PKHD1: variants seen among roughly 807,000 people sequenced by gnomAD.
PKHD1 encodes fibrocystin.
Under a neutral mutation model 412.0 loss-of-function variants are expected in PKHD1, and 291 were observed. The observed-to-expected ratio is 0.71, with a 90% CI of 0.64 to 0.78. PKHD1 has a LOEUF of 0.78. Ranked by LOEUF, PKHD1 falls within the 30% of genes least tolerant of loss-of-function variation. PKHD1 has a pLI of 0.00. For missense variants in PKHD1, 4,825 were observed against 4,950.7 expected, an observed-to-expected ratio of 0.97 and a Z score of 0.76; for synonymous variants, 1,777 against 1,821.5, an observed-to-expected ratio of 0.98 and a Z score of 0.62.
intron 27 of PKHD1, among the ~76,000 whole-genome samples, chr6:52,040,662 G>T (rs990613231): frequency 1.3e-5 from 2 of 152,126 alleles, no homozygotes; most frequent in South Asian, 2.1e-4. Flanking sequence ...TTTGACTCAA[G>T]ACTTTTTGTT....
At chr6:51,823,800 C>T (rs947319922) in intron 52 of PKHD1, among the ~76,000 whole-genome samples, 5 of 152,152 alleles carry the variant, frequency 3.3e-5, no homozygotes, top group African/African-American at 9.7e-5. Context: ...GGCAAAAGCA[C>T]TGTGTCACAG....
intron 43 of PKHD1, among the ~76,000 whole-genome samples, chr6:51,895,770 T>C (rs1779820047): frequency 6.6e-6 from 1 of 152,016 alleles, no homozygotes; most frequent in Admixed American, 6.5e-5. Flanking sequence ...TTCATCTCAC[T>C]AGGGAGTGCC....
rs373344579 is a variant in PKHD1, at chr6:51,973,483, A to C, written c.5752-13457T>G. 1.4e-4 allele frequency among the ~76,000 whole-genome samples: 21 copies of C among 152,322 alleles called. 1 individual carries two copies. The highest frequency in any genetic ancestry group is 4.8e-4 in the African/African-American group (20 of 41,568). ...TGTCCTCAAAGGCAGAAAACTCAGA[A>C]TCTTTGGTGAATACTAAGCAATCCA... On this transcript the variant is annotated intron_variant, in intron 35 of 66. Coordinates refer to ENST00000371117, the MANE Select transcript of PKHD1 (RefSeq NM_138694.4).
chr6:51,720,905 TA>T (rs1413771752), intron 60 of PKHD1: 2 of 779,766 alleles, frequency 2.6e-6, no homozygotes, highest in Admixed American at 6.3e-5. Context: ...AAATGCCCAA[TA>T]AGTATCTGTT....
rs1583573539 is a variant in PKHD1, at chr6:51,959,984, G to A, written c.5794C>T (p.His1932Tyr). ...LQFCRRWSRTHSWFPERLPQD... is the reference protein window; with the variant it reads ...LQFCRRWSRTYSWFPERLPQD... ...GGCAGCCTTTCAGGAAACCAGCTGT[G>A]AGTCCTGGACCATCTCCGGCAGAAC... Residue 1932 changes from histidine (H) to tyrosine (Y), a missense_variant, in exon 36 of 67, where the codon CAC becomes TAC. Physicochemically the swap from His to Tyr is moderately conservative, Grantham distance 83. Coordinates refer to ENST00000371117, the MANE Select transcript of PKHD1 (RefSeq NM_138694.4). The A allele has an allele frequency of 6.2e-7, 1 of 1,613,400 alleles. No homozygotes were observed. The highest frequency in any genetic ancestry group is 1.1e-5 in the South Asian group (1 of 91,070).
chr6:51,922,168 T>C (rs1410012563), intron 37 of PKHD1, among the ~76,000 whole-genome samples: 1 of 152,250 alleles, frequency 6.6e-6, no homozygotes, highest in African/African-American at 2.4e-5. Flanking sequence ...TTAGTTTTCC[T>C]TCTATCAGTC....
rs1468198483 is a variant in PKHD1, at chr6:51,619,308, TC to T, written c.11997del (p.Trp3999Ter). The stretch of plus-strand genomic sequence containing the variant: ...CTGAGCAACTGCTCTTGGCCCTCCT[TC>T]CAGTTCCCAGTCTCTTGCAGGTACA... ...QQVYLQETGNWKEGQEQLLRY... is the reference protein window; with the variant it reads ...QQVYLQETGNXKEGQEQLLRY... On this transcript the variant is annotated frameshift_variant, in exon 67 of 67. Transcript: ENST00000371117. LOFTEE classifies it low-confidence loss of function (END_TRUNC). The T allele has an allele frequency of 6.2e-7, 1 of 1,614,258 alleles. No homozygotes were observed. The highest frequency in any genetic ancestry group is 8.5e-7 in the Non-Finnish European group (1 of 1,180,040).
intron 60 of PKHD1, among the ~76,000 whole-genome samples, chr6:51,694,540 C>A (rs527334098): frequency 1.5e-5 from 2 of 130,636 alleles, no homozygotes; most frequent in South Asian, 2.7e-4. Context: ...CCCGCCACCA[C>A]AACCAGCCTT....
intron 60 of PKHD1, among the ~76,000 whole-genome samples, chr6:51,700,868 T>C (rs1462414847): frequency 6.6e-6 from 1 of 152,132 alleles, no homozygotes; most frequent in Non-Finnish European, 1.5e-5. Context: ...TGTTCAGAAA[T>C]GAAGTCGCCT....
At position 51,619,470 on chromosome 6, in the gene PKHD1, A is replaced by G. The variant is rs35403035; in HGVS notation, c.11836T>C (p.Leu3946=). 7.2e-5 allele frequency: 116 copies of G among 1,613,950 alleles called. No individual in the cohort carries two copies. The highest frequency in any genetic ancestry group is 9.3e-5 in the Non-Finnish European group (110 of 1,179,982). ...LGKVNQCPHQ[L]MNGVSRRKVS... ...TTCCTTCTGGACACTCCATTCATCAACTGGTGGGGGCACTGGTTCACCTTG... is the reference window on the plus strand; with the variant it reads ...TTCCTTCTGGACACTCCATTCATCAGCTGGTGGGGGCACTGGTTCACCTTG... The change falls in exon 67 of 67, where the codon TTG becomes CTG. Residue 3946 remains leucine (L), a synonymous_variant. Transcript: ENST00000371117.
At chr6:52,048,466 T>C in intron 23 of PKHD1, 26 bp downstream of exon 23, 1 of 1,612,544 alleles carries the variant, frequency 6.2e-7, no homozygotes. Context: ...GAGTGAGAAT[T>C]GTTGCAACCC....
At chr6:51,644,075 T>G (rs1467940098) in intron 63 of PKHD1, among the ~76,000 whole-genome samples, 1 of 152,168 alleles carries the variant, frequency 6.6e-6, no homozygotes, top group Non-Finnish European at 1.5e-5. Context: ...AGCTATGAAC[T>G]GTTTAATCAC....
At chr6:51,699,688 G>T (rs542277960) in intron 60 of PKHD1, among the ~76,000 whole-genome samples, 1 of 152,064 alleles carries the variant, frequency 6.6e-6, no homozygotes, top group East Asian at 1.9e-4. Context: ...ACTCCTACCA[G>T]TAAAATTCTC....
At chr6:51,771,192 G>T (rs1790049175) in intron 55 of PKHD1, among the ~76,000 whole-genome samples, 1 of 113,598 alleles carries the variant, frequency 8.8e-6, no homozygotes, top group African/African-American at 2.9e-5. Context: ...ACATATAACA[G>T]GTAGGATACA....
chr6:52,058,533 T>G lies in PKHD1; in HGVS notation c.1302A>C (p.Glu434Asp). 1 of 1,614,146 alleles carries G rather than the reference T, an allele frequency of 6.2e-7. No homozygotes were observed. Among genetic ancestry groups the G allele is most frequent in the Non-Finnish European group, 8.5e-7 (1 of 1,180,014 alleles). Residue 434 changes from glutamate to aspartate, a missense_variant, in exon 16 of 67, where the codon GAA (glutamate) becomes GAC (aspartate). Glu to Asp is a conservative substitution (Grantham distance 45, BLOSUM62 2). Coordinates refer to ENST00000371117, the MANE Select transcript of PKHD1 (RefSeq NM_138694.4). ...WFDSWEQNRD[E>D]GTWQQKTPKL... is the part of the protein sequence containing the mutation. ...TGGGAGTCTTCTGCTGCCAGGTCCCTTCATCCCTATTCTGCTCCCAGGAGT... is the reference window on the plus strand; with the variant it reads ...TGGGAGTCTTCTGCTGCCAGGTCCCGTCATCCCTATTCTGCTCCCAGGAGT...
chr6:51,885,647 G>C, intron 45 of PKHD1, among the ~76,000 whole-genome samples: 1 of 152,148 alleles, frequency 6.6e-6, no homozygotes, highest in Admixed American at 6.5e-5. Context: ...TGGAGAAAAT[G>C]ACCTAACCCT....
At chr6:51,859,035 T>C (rs1195083465) in intron 48 of PKHD1, among the ~76,000 whole-genome samples, 2 of 152,226 alleles carry the variant, frequency 1.3e-5, no homozygotes, top group East Asian at 3.9e-4. Context: ...TAATGGTCTC[T>C]GGTCTAGGAA....
chr6:51,773,529 T>C (rs896796848), intron 54 of PKHD1, among the ~76,000 whole-genome samples: 1 of 151,422 alleles, frequency 6.6e-6, no homozygotes, highest in Non-Finnish European at 1.5e-5. Context: ...TTTATTTAGA[T>C]AACTCAGATA....
At chr6:52,043,812 C>A in intron 25 of PKHD1, 82 bp from the exon 26 acceptor site, 1 of 887,136 alleles carries the variant, frequency 1.1e-6, no homozygotes, top group Non-Finnish European at 1.9e-6. Context: ...GAAGTGCTCC[C>A]AAGCTGACAC....
Sources: gnomAD v4.1 joint callset for allele counts (sites outside exome capture counted in the v4.1 genomes callset) on GRCh38, gnomAD v4.1.1 for gene constraint, MANE v1.5 for transcripts, NCBI Gene and HGNC (gene_info 2026-07-23, HGNC 2026-07-21) for gene names.